The following ASB5 variants were observed in gnomAD, a reference collection of about 807,000 sequenced individuals.
The protein encoded by ASB5 is ankyrin repeat and SOCS box protein 5.
ASB5 carries 45 observed loss-of-function variants against 42.1 expected under a neutral mutation model. The observed-to-expected ratio is 1.07, with a 90% CI of 0.84 to 1.37. ASB5 has a LOEUF of 1.37. Ranked by LOEUF, ASB5 falls within the 40% of genes most tolerant of loss-of-function variation. ASB5 has a pLI of 0.00. For synonymous variants in ASB5, 147 were observed against 150.6 expected (o/e 0.98, Z 0.18); for missense variants, 402 against 399.8 (o/e 1.01, Z -0.05).
intron 1 of ASB5, among the ~76,000 whole-genome samples, chr4:176,227,683 A>G (rs1458760600): frequency 6.6e-6 from 1 of 152,110 alleles, no homozygotes; most frequent in Non-Finnish European, 1.5e-5. Context: ...TAACTTGCCT[A>G]AGGTCACACA....
chr4:176,253,963 G>A (rs759042331), intron 1 of ASB5, among the ~76,000 whole-genome samples: 7 of 152,162 alleles, frequency 4.6e-5, no homozygotes, highest in South Asian at 2.1e-4. Flanking sequence ...AATCAGTATC[G>A]TTAAAATGGC....
chr4:176,241,609 C>T (rs1753814307), intron 1 of ASB5: 1 of 1,408,744 alleles, frequency 7.1e-7, no homozygotes, highest in Non-Finnish European at 9.2e-7. Flanking sequence ...GTTCTTGCTC[C>T]ATTTTATTTT....
intron 5 of ASB5, among the ~76,000 whole-genome samples, chr4:176,219,010 A>T (rs182854879): frequency 5.8e-5 from 1 of 17,238 alleles, no homozygotes; most frequent in Non-Finnish European, 1.0e-4. Flanking sequence ...ATAAATATAT[A>T]TGTATGATAT....
intron 1 of ASB5, among the ~76,000 whole-genome samples, chr4:176,277,071 G>A (rs1024816198): frequency 6.6e-6 from 1 of 152,120 alleles, no homozygotes; most frequent in Non-Finnish European, 1.5e-5. Context: ...CAGGAAAATA[G>A]TTATGTTACA....
chr4:176,229,905 CT>C (rs903592509), intron 1 of ASB5, among the ~76,000 whole-genome samples: 36 of 152,142 alleles, frequency 2.4e-4, no homozygotes, highest in Admixed American at 5.9e-4. Context: ...CTCACTATTC[CT>C]TGAAGAAGGG....
intron 1 of ASB5, among the ~76,000 whole-genome samples, chr4:176,263,156 C>T (rs1404946135): frequency 1.3e-5 from 2 of 152,144 alleles, no homozygotes; most frequent in Non-Finnish European, 2.9e-5. Context: ...CACCTGCCCC[C>T]ACTCTCTTGA....
chr4:176,227,516 G>A (rs913296608), intron 1 of ASB5, among the ~76,000 whole-genome samples: 31 of 152,116 alleles, frequency 2.0e-4, no homozygotes, highest in Non-Finnish European at 1.5e-4. Context: ...CTAAATAAAA[G>A]CAGAGAACGC....
intron 1 of ASB5, among the ~76,000 whole-genome samples, chr4:176,262,454 T>C (rs975870229): frequency 6.6e-6 from 1 of 152,202 alleles, no homozygotes; most frequent in Non-Finnish European, 1.5e-5. Context: ...TTGAGCATTG[T>C]GAATAAGGAT....
At chr4:176,246,252 T>C (rs747430334) in intron 1 of ASB5, among the ~76,000 whole-genome samples, 1 of 152,174 alleles carries the variant, frequency 6.6e-6, no homozygotes, top group African/African-American at 2.4e-5. Context: ...AGACTATTTA[T>C]GGGTCAAGAG....
intron 1 of ASB5, among the ~76,000 whole-genome samples, chr4:176,276,656 C>T (rs1447210084): frequency 6.6e-6 from 1 of 152,130 alleles, no homozygotes; most frequent in African/African-American, 2.4e-5. Context: ...TAAAACATAT[C>T]CCACACTGGC....
intron 1 of ASB5, among the ~76,000 whole-genome samples, chr4:176,245,736 T>C (rs915724534): frequency 6.6e-6 from 1 of 152,180 alleles, no homozygotes; most frequent in African/African-American, 2.4e-5. Context: ...GATGAGTTCA[T>C]GTCCTTTGCA....
intron 6 of ASB5, 47 bp from the exon 7 acceptor site, chr4:176,215,774 T>C (rs757224893): frequency 2.6e-5 from 41 of 1,555,316 alleles, no homozygotes; most frequent in Non-Finnish European, 3.6e-5. Flanking sequence ...AGAAATGAAT[T>C]TTTTATGTTG....
intron 1 of ASB5, among the ~76,000 whole-genome samples, chr4:176,229,323 A>T (rs1342441300): frequency 3.3e-5 from 5 of 152,186 alleles, no homozygotes; most frequent in Non-Finnish European, 7.3e-5. Flanking sequence ...TTCTGGACTC[A>T]TTCCTTTCTA....
intron 1 of ASB5, among the ~76,000 whole-genome samples, chr4:176,253,486 G>A (rs1298852227): frequency 6.6e-6 from 1 of 152,144 alleles, no homozygotes; most frequent in Non-Finnish European, 1.5e-5. Flanking sequence ...ACTGGAACAA[G>A]ACAATGATGC....
intron 1 of ASB5, among the ~76,000 whole-genome samples, chr4:176,244,358 C>T (rs1374446067): frequency 6.6e-6 from 1 of 152,102 alleles, no homozygotes; most frequent in Non-Finnish European, 1.5e-5. Flanking sequence ...ACAGGGCATA[C>T]CACATAAACC....
intron 1 of ASB5, among the ~76,000 whole-genome samples, chr4:176,243,850 C>A (rs184966055): frequency 2.6e-5 from 4 of 152,096 alleles, no homozygotes; most frequent in African/African-American, 9.7e-5. Context: ...ATAGCAACAG[C>A]GCTTTAAGTT....
chr4:176,249,804 G>A (rs921074070), intron 1 of ASB5, among the ~76,000 whole-genome samples: 2 of 152,084 alleles, frequency 1.3e-5, no homozygotes, highest in African/African-American at 2.4e-5. Flanking sequence ...GGTGGCTCAC[G>A]CCTGTAATCC....
chr4:176,218,824 GTATGA>G (rs1242688851), intron 5 of ASB5, among the ~76,000 whole-genome samples: 1 of 28,840 alleles, frequency 3.5e-5, no homozygotes, highest in Admixed American at 6.3e-4. Context: ...AAATATATAT[GTATGA>G]TATATAAATA....
chr4:176,220,735 A>G (rs1753180451), intron 5 of ASB5, among the ~76,000 whole-genome samples: 4 of 152,220 alleles, frequency 2.6e-5, no homozygotes, highest in Admixed American at 2.6e-4. Flanking sequence ...TTTTAAGGTT[A>G]GCAGAAGACG....
Sources: gnomAD v4.1 joint callset for allele counts (sites outside exome capture counted in the v4.1 genomes callset) on GRCh38, gnomAD v4.1.1 for gene constraint, MANE v1.5 for transcripts, NCBI Gene and HGNC (gene_info 2026-07-23, HGNC 2026-07-21) for gene names.